The following ZNF227 variants were observed in gnomAD, a reference collection of about 807,000 sequenced individuals.
ZNF227 encodes zinc finger protein 227.
Under a neutral mutation model 13.2 loss-of-function variants are expected in ZNF227, and 12 were observed. The observed-to-expected ratio is 0.91, with a 90% confidence interval of 0.58 to 1.47. The LOEUF (loss-of-function observed/expected upper bound fraction) is 1.47, where lower values mean the gene tolerates loss of function less well. Ranked by LOEUF, ZNF227 falls within the 40% of genes most tolerant of loss-of-function variation. The pLI is 0.00. For missense variants in ZNF227, 885 were observed against 967.5 expected (o/e 0.91, Z 1.13); for synonymous variants, 338 against 326.0 (o/e 1.04, Z -0.40).
intron 3 of ZNF227, among the ~76,000 whole-genome samples, chr19:44,223,223 C>A (rs1224553904): frequency 6.6e-6 from 1 of 152,162 alleles, no homozygotes; most frequent in Non-Finnish European, 1.5e-5. Context: ...GTCTAAAATT[C>A]TCTTTTTTGG....
Position 44,234,773 on chromosome 19 carries a change from T to A in ZNF227, c.343T>A (p.Ser115Thr). 6.2e-7 allele frequency: 1 copy of A among 1,613,432 alleles called. No homozygotes were observed. The highest frequency in any genetic ancestry group is 8.5e-7 in the Non-Finnish European group (1 of 1,179,872). ...ALKYLSNQEL[S>T]CWQIWKQVAS... ...AAAATACCTTTCAAATCAAGAGCTG[T>A]CCTGCTGGCAAATCTGGAAACAGGT... Residue 115 changes from serine to threonine, a missense_variant, in exon 6 of 6, where the codon TCC (serine) becomes ACC (threonine). Transcript: ENST00000313040.
At chr19:44,230,926 AATAT>A (rs58952117) in intron 5 of ZNF227, among the ~76,000 whole-genome samples, 740 of 68,016 alleles carry the variant, frequency 0.011, 4 homozygotes, top group African/African-American at 0.017. Context: ...AAAAAAAAAA[AATAT>A]ATATATATAT....
At chr19:44,212,008 G>C (rs1426193443), upstream of ZNF227, among the ~76,000 whole-genome samples, 2 of 150,086 alleles carry the variant, frequency 1.3e-5, no homozygotes, top group African/African-American at 4.9e-5. Flanking sequence ...TTATGCCTCA[G>C]CCTCCCAAGT....
chr19:44,230,941 A>ATC (rs1568610023), intron 5 of ZNF227, among the ~76,000 whole-genome samples: 7 of 136,462 alleles, frequency 5.1e-5, no homozygotes, highest in Non-Finnish European at 1.1e-4. Flanking sequence ...ATATATATAT[A>ATC]TATATATATA....
intron 3 of ZNF227, 30 bp from the exon 4 acceptor site, chr19:44,228,416 G>T: frequency 6.3e-7 from 1 of 1,596,240 alleles, no homozygotes; most frequent in Non-Finnish European, 8.5e-7. Context: ...TTGGTTGTAA[G>T]ATTGAGGTTA....
chr19:44,236,875 A>G lies in ZNF227; in HGVS notation c.*45A>G, dbSNP rs1974567080. Reference sequence around the variant, plus strand: ...AACTTTTGTCTGAATGCACATCTTCAAGTTTTTGGCTAGTCCATGCTGGTG... The same window carrying G: ...AACTTTTGTCTGAATGCACATCTTCGAGTTTTTGGCTAGTCCATGCTGGTG... On this transcript the variant is annotated 3_prime_UTR_variant, in exon 6 of 6. Transcript: ENST00000313040. The G allele has an allele frequency of 6.6e-7, 1 of 1,504,008 alleles. No homozygotes were observed. Among genetic ancestry groups the G allele is most frequent in the African/African-American group, 1.4e-5 (1 of 71,476 alleles). 93.2% of individuals were successfully genotyped at this position (1,504,008 alleles called of 1,614,324 possible). A position where few individuals can be genotyped will look rare whatever the true frequency, so the allele number is the denominator to read the frequency against.
At chr19:44,233,441 G>A (rs914537965) in intron 5 of ZNF227, among the ~76,000 whole-genome samples, 3 of 152,006 alleles carry the variant, frequency 2.0e-5, no homozygotes, top group African/African-American at 7.2e-5. Context: ...GAAAACCCTT[G>A]TTAACAGTGG....
At chr19:44,207,613 A>G (rs1971241625), upstream of ZNF227, 1 of 152,220 alleles carries the variant, frequency 6.6e-6, no homozygotes, top group South Asian at 2.1e-4. Flanking sequence ...GGGACCCTCC[A>G]AGTTTTCTCA....
intron 5 of ZNF227, among the ~76,000 whole-genome samples, chr19:44,230,336 A>G (rs1973650099): frequency 6.6e-6 from 1 of 152,148 alleles, no homozygotes; most frequent in Non-Finnish European, 1.5e-5. Flanking sequence ...TTTAAAGAAC[A>G]CATGAGATGA....
intron 3 of ZNF227, among the ~76,000 whole-genome samples, chr19:44,219,621 G>A (rs1972240212): frequency 6.6e-6 from 1 of 152,010 alleles, no homozygotes; most frequent in Non-Finnish European, 1.5e-5. Context: ...TTAGAAAAAG[G>A]AACTGAGTCC....
chr19:44,217,085 C>T (rs1971970762), intron 2 of ZNF227, among the ~76,000 whole-genome samples: 1 of 151,654 alleles, frequency 6.6e-6, no homozygotes, highest in African/African-American at 2.4e-5. Flanking sequence ...GCCTCAGCCT[C>T]CCAAGTAGCT....
chr19:44,229,411 A>G (rs1973536965), intron 4 of ZNF227, among the ~76,000 whole-genome samples: 1 of 152,182 alleles, frequency 6.6e-6, no homozygotes, highest in Non-Finnish European at 1.5e-5. Context: ...CACGAGTTCA[A>G]GACCATCCTG....
chr19:44,213,046 G>T (rs1248993653), intron 1 of ZNF227, 44 bp from the exon 2 acceptor site: 4 of 151,978 alleles, frequency 2.6e-5, no homozygotes, highest in African/African-American at 9.7e-5. Flanking sequence ...TCAGGAGACC[G>T]AGCTCTTCCC....
chr19:44,228,752 C>G lies in ZNF227; in HGVS notation c.187+180C>G, dbSNP rs561818732. The G allele has an allele frequency of 3.2e-5, 22 of 691,682 alleles. No individual in the cohort carries two copies. The African/African-American group carries it at 3.9e-4, about 12-fold the overall frequency. The allele number at this position is 691,682 out of a possible 1,614,324, so 42.8% of individuals were successfully genotyped here. Reference sequence around the variant, plus strand: ...CTTTCTGCTCAGGCAAAATTCTGTCCTTTTAAATTGCTGGTTCTCAACCAT... The same window carrying G: ...CTTTCTGCTCAGGCAAAATTCTGTCGTTTTAAATTGCTGGTTCTCAACCAT... On this transcript the variant is annotated intron_variant, in intron 4 of 5. Coordinates refer to ENST00000313040, the MANE Select transcript of ZNF227 (RefSeq NM_182490.3).
chr19:44,214,116 T>C (rs1479311758), intron 2 of ZNF227, among the ~76,000 whole-genome samples: 1 of 152,252 alleles, frequency 6.6e-6, no homozygotes, highest in Non-Finnish European at 1.5e-5. Context: ...AATTATGTTG[T>C]TGAAATTAAC....
At chr19:44,214,050 T>G (rs535499567) in intron 2 of ZNF227, among the ~76,000 whole-genome samples, 2 of 152,336 alleles carry the variant, frequency 1.3e-5, no homozygotes, top group African/African-American at 4.8e-5. Context: ...AGATGGCTCA[T>G]TGATAATTTT....
At position 44,234,857 on chromosome 19, in the gene ZNF227, T is replaced by C. The variant is rs113471081; in HGVS notation, c.427T>C (p.Ser143Pro). Residue 143 changes from serine (S) to proline (P), a missense_variant, in exon 6 of 6, where the codon TCT becomes CCT. Coordinates refer to ENST00000313040, the MANE Select transcript of ZNF227 (RefSeq NM_182490.3). ...GKSSQLLQGD[S>P]IQVSENENNI... ...GAGTTCCCAGTTATTACAAGGTGAC[T>C]CTATTCAGGTTTCTGAAAATGAGAA... 1 of 1,614,010 alleles carries C rather than the reference T, an allele frequency of 6.2e-7. No individual in the cohort carries two copies.
intron 2 of ZNF227, among the ~76,000 whole-genome samples, chr19:44,215,104 A>T (rs1971729565): frequency 6.6e-6 from 1 of 151,548 alleles, no homozygotes; most frequent in African/African-American, 2.4e-5. Flanking sequence ...CTTCCGTGAA[A>T]CTGGTCCCTG....
chr19:44,209,068 G>A (rs10416493), upstream of ZNF227, among the ~76,000 whole-genome samples: 2 of 152,056 alleles, frequency 1.3e-5, no homozygotes, highest in African/African-American at 2.4e-5. Flanking sequence ...GCGAGACCCC[G>A]TTCCTTTAAC....
Sources: allele counts gnomAD v4.1 joint callset (sites outside exome capture counted in the v4.1 genomes callset), GRCh38; gene constraint gnomAD v4.1.1; transcripts MANE v1.5; gene names NCBI Gene and HGNC (gene_info 2026-07-23, HGNC 2026-07-21).